LRRC7: variants seen among roughly 807,000 people sequenced by gnomAD.
LRRC7 encodes the protein leucine-rich repeat-containing protein 7.
LRRC7 carries 23 observed loss-of-function variants against 175.7 expected under a neutral mutation model. The observed-to-expected ratio is 0.13, with a 90% CI of 0.09 to 0.19. The LOEUF is 0.19. Among genes scored for constraint, LRRC7 ranks in the 10% least tolerant of loss-of-function variants. LRRC7 has a pLI of 1.00. For synonymous variants in LRRC7, 685 were observed against 680.9 expected, an observed-to-expected ratio of 1.01 and a Z score of -0.09; for missense variants, 1,354 against 1,904.7, an observed-to-expected ratio of 0.71 and a Z score of 5.38.
intron 2 of LRRC7, among the ~76,000 whole-genome samples, chr1:69,741,860 T>C (rs1010139979): frequency 1.3e-4 from 20 of 152,100 alleles, no homozygotes; most frequent in Middle Eastern, 3.4e-3. Context: ...CAAACTATTC[T>C]CCACAGAGCA....
chr1:69,716,662 T>C (rs1665384530), intron 2 of LRRC7, among the ~76,000 whole-genome samples: 1 of 151,892 alleles, frequency 6.6e-6, no homozygotes, highest in African/African-American at 2.4e-5. Flanking sequence ...TTTTGAAGGT[T>C]ACATTTCAAA....
intron 7 of LRRC7, among the ~76,000 whole-genome samples, chr1:69,905,252 T>TTTATTATTA (rs36050545): frequency 4.6e-4 from 69 of 150,000 alleles, no homozygotes; most frequent in Admixed American, 3.3e-4. Context: ...GTAAGTTCTT[T>TTTATTATTA]TTATTATTAT....
At chr1:70,117,216 C>A (rs930419700) in intron 26 of LRRC7, among the ~76,000 whole-genome samples, 28 of 152,136 alleles carry the variant, frequency 1.8e-4, no homozygotes, top group African/African-American at 6.5e-4. Context: ...TCCCACCAAC[C>A]CTGTGGCCAG....
intron 1 of LRRC7, among the ~76,000 whole-genome samples, chr1:69,674,185 C>A (rs1659480888): frequency 6.6e-6 from 1 of 151,866 alleles, no homozygotes; most frequent in Non-Finnish European, 1.5e-5. Context: ...GATAATTTTA[C>A]CAGAATTAAA....
chr1:69,953,966 GCTTA>G (rs1238433081), intron 8 of LRRC7, among the ~76,000 whole-genome samples: 1 of 152,012 alleles, frequency 6.6e-6, no homozygotes. Flanking sequence ...TTGAATAAAT[GCTTA>G]CTTTTTTCTC....
In LRRC7 at chr1:69,602,242, A is replaced by G. The variant is rs141529768; in HGVS notation, c.2+33601A>G. Among the ~76,000 whole-genome samples the G allele has an allele frequency of 1.4e-3, 217 of 152,302 alleles. 1 individual carries two copies. The highest frequency in any genetic ancestry group is 4.9e-3 in the African/African-American group (202 of 41,574). On this transcript the variant is annotated intron_variant, in intron 1 of 26. Coordinates refer to ENST00000651989, the MANE Select transcript of LRRC7 (RefSeq NM_001370785.2). The stretch of plus-strand genomic sequence containing the variant: ...TCCAAATGGATTCAATCTAATACAT[A>G]CATTTCATTTTTTTTACACTTCCAT...
chr1:69,953,946 A>G (rs1650219749), intron 8 of LRRC7, among the ~76,000 whole-genome samples: 1 of 152,062 alleles, frequency 6.6e-6, no homozygotes, highest in Non-Finnish European at 1.5e-5. Context: ...GTTAATAAGT[A>G]TAGAATTTGT....
intron 1 of LRRC7, among the ~76,000 whole-genome samples, chr1:69,657,243 G>C (rs1056453559): frequency 6.6e-6 from 1 of 151,722 alleles, no homozygotes; most frequent in Admixed American, 6.6e-5. Flanking sequence ...TGATTAATCT[G>C]AAAGACTAAA....
At chr1:69,828,419 T>C (rs978788480) in intron 5 of LRRC7, among the ~76,000 whole-genome samples, 2 of 152,166 alleles carry the variant, frequency 1.3e-5, no homozygotes, top group African/African-American at 2.4e-5. Flanking sequence ...TTGTTCTTCA[T>C]CTTTGCCAGA....
chr1:69,656,183 TC>T (rs889305602), intron 1 of LRRC7, among the ~76,000 whole-genome samples: 3 of 152,018 alleles, frequency 2.0e-5, no homozygotes, highest in Admixed American at 6.6e-5. Context: ...TTTTAAGCAT[TC>T]CCAGTACCAT....
chr1:70,009,431 A>G (rs1656293704), intron 11 of LRRC7, among the ~76,000 whole-genome samples: 1 of 149,528 alleles, frequency 6.7e-6, no homozygotes. Context: ...CCACAAACAC[A>G]CATACACAGA....
chr1:69,984,021 G>T (rs376555180), intron 9 of LRRC7, among the ~76,000 whole-genome samples: 1 of 152,050 alleles, frequency 6.6e-6, no homozygotes, highest in South Asian at 2.1e-4. Context: ...TGCCTCCAGG[G>T]TTCAACTGAT....
At chr1:69,895,091 G>A (rs1465721261) in intron 7 of LRRC7, among the ~76,000 whole-genome samples, 1 of 152,100 alleles carries the variant, frequency 6.6e-6, no homozygotes, top group Admixed American at 6.5e-5. Context: ...AATTAGCCAG[G>A]CGTGGTGGTG....
rs954997819 is a variant in LRRC7 at position 70,089,663 on chromosome 1, A to G, written c.4453-64A>G. ...ATGTGAATCTTTTCTACTGAAATAC[A>G]GTTATTTGAAAATATTTAGCTTTGA... On this transcript the variant is annotated intron_variant, in intron 24 of 26. Coordinates refer to ENST00000651989, the MANE Select transcript of LRRC7 (RefSeq NM_001370785.2). 1.7e-5 allele frequency: 19 copies of G among 1,099,318 alleles called. No individual in the cohort carries two copies. In the Admixed American group the frequency reaches 3.7e-4, roughly 22 times the overall value. 68.1% of individuals were successfully genotyped at this position (1,099,318 alleles called of 1,614,324 possible). A position where few individuals can be genotyped will look rare whatever the true frequency, so the allele number is the denominator to read the frequency against.
intron 23 of LRRC7, among the ~76,000 whole-genome samples, chr1:70,057,553 G>C (rs1293510556): frequency 6.6e-6 from 1 of 152,178 alleles, no homozygotes; most frequent in African/African-American, 2.4e-5. Flanking sequence ...AGAATTCTTA[G>C]CCAGTGTCCA....
chr1:69,718,037 AAGG>A (rs1344026472), intron 2 of LRRC7, among the ~76,000 whole-genome samples: 5 of 148,642 alleles, frequency 3.4e-5, no homozygotes, highest in Admixed American at 6.7e-5. Context: ...AAAAAGAAGA[AAGG>A]AGAGGGAGAA....
intron 7 of LRRC7, among the ~76,000 whole-genome samples, chr1:69,848,720 C>G (rs1185343345): frequency 6.6e-6 from 1 of 152,024 alleles, no homozygotes; most frequent in Admixed American, 6.6e-5. Flanking sequence ...CTTTAAAAAG[C>G]TCGCTTTTCT....
rs1653882223 is a variant in LRRC7 at position 69,985,733 on chromosome 1, G to A, written c.787-509G>A. Among the ~76,000 whole-genome samples, 4 of 152,180 alleles carry A rather than the reference G, an allele frequency of 2.6e-5. 1 individual carries two copies. The South Asian group carries it at 8.3e-4, about 31-fold the overall frequency. ...TATCATATAAATGGAATCATACAAT[G>A]TGTGGTCTTTTGTGACTGGCATCTG... On this transcript the variant is annotated intron_variant, in intron 9 of 26. Transcript: ENST00000651989.
At chr1:69,917,413 G>A (rs190745062) in intron 7 of LRRC7, among the ~76,000 whole-genome samples, 38 of 152,268 alleles carry the variant, frequency 2.5e-4, no homozygotes, top group Admixed American at 2.3e-3. Context: ...GCCAATGAGT[G>A]CATTCCTCAG....
Sources: allele counts gnomAD v4.1 joint callset (sites outside exome capture counted in the v4.1 genomes callset), GRCh38; gene constraint gnomAD v4.1.1; transcripts MANE v1.5; gene names NCBI Gene and HGNC (gene_info 2026-07-23, HGNC 2026-07-21).